Variants in SAMD5 observed in about 807,000 individuals in gnomAD.
The protein encoded by SAMD5 is sterile alpha motif domain containing 5, also known as sterile alpha motif domain-containing protein 5.
SAMD5 carries 13 observed loss-of-function variants against 11.3 expected under a neutral mutation model. That is an observed-to-expected ratio of 1.15 (90% confidence interval 0.75 to 1.83). SAMD5 has a LOEUF of 1.83. Ranked by LOEUF, SAMD5 falls within the 40% of genes most tolerant of loss-of-function variation. The pLI is 0.00. For missense variants in SAMD5, 255 were observed against 239.1 expected, an observed-to-expected ratio of 1.07 and a Z score of -0.44; for synonymous variants, 129 against 111.3, an observed-to-expected ratio of 1.16 and a Z score of -1.00.
At chr6:147,790,682 G>A in the SAMD5 span, among the ~76,000 whole-genome samples, 23 of 150,988 alleles carry the variant, frequency 1.5e-4, no homozygotes, top group Non-Finnish European at 3.1e-4. Context: ...AGTATTAGAG[G>A]GCACCAATCA....
At chr6:147,600,402 G>A (rs971535817) in intron 1 of SAMD5, among the ~76,000 whole-genome samples, 5 of 152,082 alleles carry the variant, frequency 3.3e-5, no homozygotes, top group African/African-American at 1.2e-4. Flanking sequence ...TTTCTTCTTG[G>A]CTTCAGATAG....
At chr6:147,691,853 C>T (rs1371536933) in intron 1 of SAMD5, among the ~76,000 whole-genome samples, 1 of 152,108 alleles carries the variant, frequency 6.6e-6, no homozygotes, top group African/African-American at 2.4e-5. Context: ...TTAAGTACTA[C>T]ATAAATCTTG....
chr6:147,556,347 C>T (rs1460143085), intron 1 of SAMD5, among the ~76,000 whole-genome samples: 2 of 152,246 alleles, frequency 1.3e-5, no homozygotes, highest in Non-Finnish European at 2.9e-5. Context: ...CTGCCTCAGC[C>T]TCCCAAAGTG....
At chr6:147,674,783 C>A (rs572201448) in intron 1 of SAMD5, among the ~76,000 whole-genome samples, 19 of 152,284 alleles carry the variant, frequency 1.2e-4, no homozygotes, top group Admixed American at 3.3e-4. Flanking sequence ...GATGTAAATC[C>A]AAGAATCTAC....
chr6:147,597,991 A>G (rs1471708641), intron 1 of SAMD5, among the ~76,000 whole-genome samples: 1 of 152,146 alleles, frequency 6.6e-6, no homozygotes, highest in East Asian at 1.9e-4. Flanking sequence ...TCCTGGTGCC[A>G]TGCTACTTTG....
chr6:147,555,825 T>TTA (rs1788846335), intron 1 of SAMD5, among the ~76,000 whole-genome samples: 1 of 152,224 alleles, frequency 6.6e-6, no homozygotes, highest in Non-Finnish European at 1.5e-5. Flanking sequence ...TGCCATGGTA[T>TTA]TAAAATGAAT....
chr6:147,582,188 G>A (rs535461872), intron 1 of SAMD5, among the ~76,000 whole-genome samples: 10 of 152,122 alleles, frequency 6.6e-5, no homozygotes, highest in African/African-American at 1.2e-4. Context: ...GTGAAACCCC[G>A]TCTCTACTAA....
At chr6:147,622,089 A>T (rs1443304021) in intron 1 of SAMD5, among the ~76,000 whole-genome samples, 1 of 152,188 alleles carries the variant, frequency 6.6e-6, no homozygotes, top group Non-Finnish European at 1.5e-5. Context: ...AGTCTCTCTC[A>T]CCAGCTGGAG....
intron 1 of SAMD5, among the ~76,000 whole-genome samples, chr6:147,640,520 A>AAAAAAAAAAAT (rs1198347457): frequency 6.7e-6 from 1 of 149,838 alleles, no homozygotes; most frequent in African/African-American, 2.5e-5. Flanking sequence ...AAAAAAAAAA[A>AAAAAAAAAAAT]AAGAATAACA....
chr6:147,791,477 A>G, the SAMD5 span, among the ~76,000 whole-genome samples: 1 of 152,190 alleles, frequency 6.6e-6, no homozygotes, highest in South Asian at 2.1e-4. Flanking sequence ...ATATACGTTT[A>G]TACCTTTCAC....
chr6:147,939,953 G>C, the SAMD5 span, among the ~76,000 whole-genome samples: 1 of 152,088 alleles, frequency 6.6e-6, no homozygotes, highest in Non-Finnish European at 1.5e-5. Context: ...GCTCAGTTTA[G>C]AACATGGAAG....
chr6:147,838,531 G>GCCCCC, the SAMD5 span, among the ~76,000 whole-genome samples: 66 of 127,714 alleles, frequency 5.2e-4, 1 homozygote, highest in African/African-American at 1.1e-3. Context: ...AGAATATCCT[G>GCCCCC]CCCCCCCCCC....
At chr6:147,796,627 G>T in the SAMD5 span, among the ~76,000 whole-genome samples, 3 of 152,132 alleles carry the variant, frequency 2.0e-5, no homozygotes, top group Non-Finnish European at 4.4e-5. Context: ...GCTTGATGGG[G>T]ATGGCATTGA....
chr6:147,748,924 C>A, the SAMD5 span, among the ~76,000 whole-genome samples: 1 of 152,184 alleles, frequency 6.6e-6, no homozygotes, highest in Non-Finnish European at 1.5e-5. Context: ...TTTGATCTGG[C>A]AGTACAATTA....
chr6:147,585,311 G>C (rs1460491559), intron 1 of SAMD5, among the ~76,000 whole-genome samples: 1 of 152,114 alleles, frequency 6.6e-6, no homozygotes, highest in African/African-American at 2.4e-5. Flanking sequence ...ATTATCAGAG[G>C]GAATGGAGAC....
the SAMD5 span, among the ~76,000 whole-genome samples, chr6:147,770,715 AT>A: frequency 6.6e-6 from 1 of 152,138 alleles, no homozygotes; most frequent in African/African-American, 2.4e-5. Flanking sequence ...TTTGCTTTTT[AT>A]TTTTTTATAA....
the SAMD5 span, among the ~76,000 whole-genome samples, chr6:147,774,889 A>T: frequency 6.6e-6 from 1 of 152,146 alleles, no homozygotes. Context: ...CTCTTCACAC[A>T]CACACATGAT....
At chr6:147,842,032 T>C in the SAMD5 span, among the ~76,000 whole-genome samples, 1 of 152,166 alleles carries the variant, frequency 6.6e-6, no homozygotes, top group Admixed American at 6.5e-5. Context: ...TAGGACAACC[T>C]TGTGCTCCTA....
chr6:147,857,330 CCT>C, the SAMD5 span, among the ~76,000 whole-genome samples: 1 of 147,162 alleles, frequency 6.8e-6, no homozygotes, highest in African/African-American at 2.6e-5. Flanking sequence ...AAGTGAGGCC[CCT>C]GTCTGTACCA....
Sources: gnomAD v4.1 joint callset for allele counts (sites outside exome capture counted in the v4.1 genomes callset) on GRCh38, gnomAD v4.1.1 for gene constraint, MANE v1.5 for transcripts, NCBI Gene and HGNC (gene_info 2026-07-23, HGNC 2026-07-21) for gene names.